Variants in NARS2 observed in about 807,000 individuals in gnomAD.
NARS2 encodes the protein asparaginyl-tRNA synthetase 2, mitochondrial.
NARS2 carries 60 observed loss-of-function variants against 62.9 expected under a neutral mutation model. The observed-to-expected ratio is 0.95, with a 90% CI of 0.77 to 1.18. The LOEUF is 1.18. Ranked by LOEUF, NARS2 falls within the 50% of genes most tolerant of loss-of-function variation. NARS2 has a pLI of 0.00. For synonymous variants in NARS2, 196 were observed against 200.0 expected, an observed-to-expected ratio of 0.98 and a Z score of 0.17; for missense variants, 619 against 576.4, an observed-to-expected ratio of 1.07 and a Z score of -0.76.
At chr11:78,467,325 T>C (rs902575411) in intron 10 of NARS2, among the ~76,000 whole-genome samples, 8 of 152,030 alleles carry the variant, frequency 5.3e-5, no homozygotes, top group South Asian at 2.1e-4. Context: ...GAGGAGTGCT[T>C]GAGCACAGAA....
intron 10 of NARS2, among the ~76,000 whole-genome samples, 199 bp from the exon 11 acceptor site, chr11:78,466,212 T>C (rs1858614136): frequency 6.6e-6 from 1 of 151,934 alleles, no homozygotes; most frequent in Non-Finnish European, 1.5e-5. Flanking sequence ...CCTGGAAAGA[T>C]GAAAGCTGAG....
At chr11:78,479,843 A>T (rs1859271695) in intron 7 of NARS2, among the ~76,000 whole-genome samples, 1 of 152,172 alleles carries the variant, frequency 6.6e-6, no homozygotes, top group Non-Finnish European at 1.5e-5. Flanking sequence ...ATATAGGAAA[A>T]CACTTAAATA....
intron 5 of NARS2, among the ~76,000 whole-genome samples, chr11:78,538,965 A>C (rs1408766992): frequency 8.2e-6 from 1 of 122,146 alleles, no homozygotes; most frequent in Non-Finnish European, 1.6e-5. Flanking sequence ...ACTGCACTCC[A>C]GCCTGGGCGA....
chr11:78,460,961 T>C (rs1858370759), intron 11 of NARS2, among the ~76,000 whole-genome samples: 1 of 152,232 alleles, frequency 6.6e-6, no homozygotes, highest in African/African-American at 2.4e-5. Context: ...TTACACAGCA[T>C]TTACATTGTA....
At chr11:78,441,157 T>C in intron 12 of NARS2, 40 bp from the exon 13 acceptor site, 1 of 1,578,442 alleles carries the variant, frequency 6.3e-7, no homozygotes, top group Non-Finnish European at 8.7e-7. Flanking sequence ...GGAACGGCAA[T>C]AAGATAAATA....
intron 7 of NARS2, among the ~76,000 whole-genome samples, chr11:78,479,034 T>C (rs1203512520): frequency 6.6e-6 from 1 of 152,104 alleles, no homozygotes; most frequent in African/African-American, 2.4e-5. Flanking sequence ...TACAGGATGT[T>C]TGAGAGAATT....
intron 7 of NARS2, among the ~76,000 whole-genome samples, chr11:78,492,176 A>G (rs1591200547): frequency 6.6e-6 from 1 of 152,012 alleles, no homozygotes; most frequent in South Asian, 2.1e-4. Flanking sequence ...AGTAGCCTAT[A>G]AAGTAGGAAT....
chr11:78,514,354 T>C (rs2135394992), intron 6 of NARS2, among the ~76,000 whole-genome samples: 1 of 152,290 alleles, frequency 6.6e-6, no homozygotes, highest in Non-Finnish European at 1.5e-5. Context: ...ACTTCTGGGC[T>C]GAAAGTGATC....
chr11:78,555,803 T>C (rs910487927), intron 5 of NARS2, among the ~76,000 whole-genome samples: 2 of 152,200 alleles, frequency 1.3e-5, no homozygotes, highest in Admixed American at 1.3e-4. Flanking sequence ...TCTAACTTTT[T>C]GATGTGGGCG....
chr11:78,444,733 A>C (rs911243629), intron 11 of NARS2, among the ~76,000 whole-genome samples: 9 of 151,874 alleles, frequency 5.9e-5, no homozygotes, highest in African/African-American at 2.2e-4. Context: ...AAAACAAAAA[A>C]AAAAAAAAGG....
chr11:78,564,997 A>T (rs376942747), intron 4 of NARS2, among the ~76,000 whole-genome samples: 24 of 152,194 alleles, frequency 1.6e-4, no homozygotes, highest in African/African-American at 5.5e-4. Context: ...AACCTCTGCA[A>T]ATTAGGTGGA....
chr11:78,543,213 T>C (rs117987255), intron 5 of NARS2, among the ~76,000 whole-genome samples: 5,142 of 152,282 alleles, frequency 0.034, 144 homozygotes, highest in Non-Finnish European at 0.056. Flanking sequence ...AGCATACTCA[T>C]ATAAAAGTCA....
At chr11:78,467,726 G>A (rs1353230953) in intron 10 of NARS2, among the ~76,000 whole-genome samples, 1 of 151,964 alleles carries the variant, frequency 6.6e-6, no homozygotes, top group Non-Finnish European at 1.5e-5. Flanking sequence ...ACAAGTTCTG[G>A]GGATCTAATG....
At chr11:78,452,037 C>G (rs944993739) in intron 11 of NARS2, among the ~76,000 whole-genome samples, 1 of 152,248 alleles carries the variant, frequency 6.6e-6, no homozygotes, top group East Asian at 1.9e-4. Context: ...GTATCCATAT[C>G]TTTTAGTTAG....
intron 5 of NARS2, among the ~76,000 whole-genome samples, chr11:78,541,788 T>C (rs1855630774): frequency 6.6e-6 from 1 of 152,178 alleles, no homozygotes. Flanking sequence ...GGGTTGGTAG[T>C]TTCATGATCC....
chr11:78,480,657 A>T (rs1387980876), intron 7 of NARS2, among the ~76,000 whole-genome samples: 5 of 151,006 alleles, frequency 3.3e-5, no homozygotes, highest in African/African-American at 1.2e-4. Flanking sequence ...TGGCTATTTA[A>T]GGCACTGATC....
At chr11:78,568,574 C>A in intron 3 of NARS2, 58 bp downstream of exon 3, 1 of 1,557,560 alleles carries the variant, frequency 6.4e-7, no homozygotes. Context: ...ACACTTAAAA[C>A]AGATTGCTGT....
intron 6 of NARS2, among the ~76,000 whole-genome samples, chr11:78,499,510 C>CA (rs1408743527): frequency 6.6e-6 from 1 of 152,082 alleles, no homozygotes; most frequent in East Asian, 1.9e-4. Context: ...AATTACTAAA[C>CA]AAAAAATAAT....
At chr11:78,550,083 T>C (rs533554523) in intron 5 of NARS2, among the ~76,000 whole-genome samples, 1 of 152,274 alleles carries the variant, frequency 6.6e-6, no homozygotes, top group Admixed American at 6.5e-5. Flanking sequence ...CTAGGCATAG[T>C]GCAGTAATGG....
Sources: allele counts gnomAD v4.1 joint callset (sites outside exome capture counted in the v4.1 genomes callset), GRCh38; gene constraint gnomAD v4.1.1; transcripts MANE v1.5; gene names NCBI Gene and HGNC (gene_info 2026-07-23, HGNC 2026-07-21).